DDX19A: variants seen among roughly 807,000 people sequenced by gnomAD.
The protein encoded by DDX19A is ATP-dependent RNA helicase DDX19A.
Under a neutral mutation model 60.6 loss-of-function variants are expected in DDX19A, and 12 were observed. The observed-to-expected ratio is 0.20, with a 90% CI of 0.13 to 0.32. The LOEUF is 0.32. Among genes scored for constraint, DDX19A ranks in the 10% least tolerant of loss-of-function variants. The pLI, the probability that DDX19A is intolerant of heterozygous loss-of-function variation, is 1.00. For missense variants in DDX19A, 337 were observed against 600.6 expected, an observed-to-expected ratio of 0.56 and a Z score of 4.59; for synonymous variants, 206 against 218.2, an observed-to-expected ratio of 0.94 and a Z score of 0.49.
At chr16:70,357,414 G>A (rs570652821) in intron 4 of DDX19A, among the ~76,000 whole-genome samples, 2 of 81,846 alleles carry the variant, frequency 2.4e-5, no homozygotes, top group African/African-American at 1.1e-4. Context: ...AGACCAAGTC[G>A]TGCTCTGTTG....
chr16:70,351,058 A>G (rs910440289), intron 2 of DDX19A, among the ~76,000 whole-genome samples: 1 of 136,094 alleles, frequency 7.3e-6, no homozygotes, highest in Non-Finnish European at 1.6e-5. Flanking sequence ...TTTTTTTTGT[A>G]TTTTTAGTAG....
At chr16:70,354,224 C>T (rs1196501866) in intron 2 of DDX19A, among the ~76,000 whole-genome samples, 1 of 151,852 alleles carries the variant, frequency 6.6e-6, no homozygotes, top group African/African-American at 2.4e-5. Context: ...CAGCTCACTG[C>T]AACCTCCGCC....
At chr16:70,357,246 G>T (rs898524954) in intron 4 of DDX19A, among the ~76,000 whole-genome samples, 1 of 128,692 alleles carries the variant, frequency 7.8e-6, no homozygotes, top group East Asian at 2.2e-4. Context: ...GCAACAGAGC[G>T]AGACTCTCTC....
chr16:70,357,966 A>C (rs1348301575), intron 4 of DDX19A, among the ~76,000 whole-genome samples: 1 of 152,218 alleles, frequency 6.6e-6, no homozygotes. Context: ...ACTTAAAACA[A>C]GAAAGCTAAC....
chr16:70,360,275 C>T (rs1419791039), intron 4 of DDX19A, among the ~76,000 whole-genome samples: 3 of 145,524 alleles, frequency 2.1e-5, no homozygotes, highest in Non-Finnish European at 4.6e-5. Flanking sequence ...AGCAAGACTC[C>T]ATCTCAAAAA....
rs985388281 is a variant in DDX19A at position 70,372,225 on chromosome 16, A to G, written c.*239A>G. ...CCTTTCCCCACTTTTTTAAAGCCAC[A>G]TTCCCCCATCTTTATAATAATCTGG... On this transcript the variant is annotated 3_prime_UTR_variant, in exon 12 of 12. Transcript: ENST00000302243. The G allele has an allele frequency of 1.6e-5, 10 of 612,548 alleles. No homozygotes were observed. The highest frequency in any genetic ancestry group is 3.0e-5 in the Admixed American group (1 of 33,448). 37.9% of individuals were successfully genotyped at this position (612,548 alleles called of 1,614,324 possible). A position where few individuals can be genotyped will look rare whatever the true frequency, so the allele number is the denominator to read the frequency against.
chr16:70,351,290 C>T (rs1964009524), intron 2 of DDX19A, among the ~76,000 whole-genome samples: 2 of 151,960 alleles, frequency 1.3e-5, no homozygotes, highest in Non-Finnish European at 1.5e-5. Flanking sequence ...ACTGCAACCT[C>T]TGCCACCCAG....
intron 8 of DDX19A, 21 bp from the exon 9 acceptor site, chr16:70,366,603 T>C (rs1964528259): frequency 1.2e-6 from 2 of 1,613,858 alleles, no homozygotes; most frequent in African/African-American, 2.7e-5. Flanking sequence ...TGGGGCCATC[T>C]ACCCGGGCCT....
intron 9 of DDX19A, among the ~76,000 whole-genome samples, chr16:70,369,207 ATCT>A (rs1964610304): frequency 1.2e-5 from 1 of 83,580 alleles, no homozygotes; most frequent in African/African-American, 6.2e-5. Flanking sequence ...TTGAAACGGA[ATCT>A]CGCCTCTTGC....
intron 1 of DDX19A, 35 bp from the exon 2 acceptor site, chr16:70,350,521 CT>C: frequency 6.4e-7 from 1 of 1,561,164 alleles, no homozygotes; most frequent in African/African-American, 1.4e-5. Context: ...TTATTGGGTC[CT>C]TTGCTTAACT....
intron 4 of DDX19A, 61 bp downstream of exon 4, chr16:70,356,308 C>T (rs1206160839): frequency 6.3e-7 from 1 of 1,580,408 alleles, no homozygotes. Context: ...TAAAACTTAG[C>T]ATCTGAGAGA....
intron 5 of DDX19A, among the ~76,000 whole-genome samples, chr16:70,362,404 A>G (rs1033026574): frequency 2.6e-5 from 4 of 152,084 alleles, no homozygotes; most frequent in Non-Finnish European, 4.4e-5. Flanking sequence ...TGGTGTTGCA[A>G]TAAATTCAAA....
chr16:70,365,216 C>A, intron 7 of DDX19A, 85 bp downstream of exon 7: 1 of 868,826 alleles, frequency 1.2e-6, no homozygotes. Context: ...CCGTATTCAA[C>A]TTTCTAATTC....
At chr16:70,365,623 A>T (rs1964496601) in intron 7 of DDX19A, 2 of 206,550 alleles carry the variant, frequency 9.7e-6, no homozygotes, top group South Asian at 1.5e-4. Flanking sequence ...AAAAATAAAA[A>T]AAAAAAAATA....
At chr16:70,369,110 G>A (rs1308453983) in intron 9 of DDX19A, among the ~76,000 whole-genome samples, 1 of 148,958 alleles carries the variant, frequency 6.7e-6, no homozygotes, top group Non-Finnish European at 1.5e-5. Flanking sequence ...CAGGTGATCC[G>A]CCCGCCTCGG....
chr16:70,348,789 A>C (rs1963929367), intron 1 of DDX19A, among the ~76,000 whole-genome samples: 1 of 151,906 alleles, frequency 6.6e-6, no homozygotes, highest in African/African-American at 2.4e-5. Flanking sequence ...AAATACAAAA[A>C]AAATTAGCTG....
chr16:70,357,038 G>A, intron 4 of DDX19A: 1 of 307,046 alleles, frequency 3.3e-6, no homozygotes. Flanking sequence ...CACAAGGTCA[G>A]GAGTTCAAGA....
intron 1 of DDX19A, chr16:70,347,975 T>A: frequency 2.2e-6 from 1 of 450,034 alleles, no homozygotes; most frequent in Non-Finnish European, 4.5e-6. Context: ...CAGCCGTGAG[T>A]CACCGCGCCC....
chr16:70,354,958 C>T (rs1243425214), intron 2 of DDX19A, among the ~76,000 whole-genome samples: 1 of 151,542 alleles, frequency 6.6e-6, no homozygotes, highest in African/African-American at 2.4e-5. Flanking sequence ...GCTATGATTG[C>T]ACCACTGCAC....
Sources: gnomAD v4.1 joint callset for allele counts (sites outside exome capture counted in the v4.1 genomes callset) on GRCh38, gnomAD v4.1.1 for gene constraint, MANE v1.5 for transcripts, NCBI Gene and HGNC (gene_info 2026-07-23, HGNC 2026-07-21) for gene names.